Variants in LRBA observed in about 807,000 individuals in gnomAD.
The protein encoded by LRBA is lipopolysaccharide-responsive and beige-like anchor protein.
A neutral mutation model predicts 330.0 loss-of-function variants in LRBA; 176 were observed. That is an observed-to-expected ratio of 0.53 (90% confidence interval 0.47 to 0.60). LRBA has a LOEUF of 0.60. Ranked by LOEUF, LRBA falls within the 20% of genes least tolerant of loss-of-function variation. The pLI, the probability that LRBA is intolerant of heterozygous loss-of-function variation, is 0.00. For missense variants in LRBA, 3,259 were observed against 3,444.8 expected (o/e 0.95, Z 1.35); for synonymous variants, 1,230 against 1,193.0 (o/e 1.03, Z -0.64).
rs111791929 is a variant in LRBA at position 150,386,608 on chromosome 4, TA to T, written c.7194+28829del. On this transcript the variant is annotated intron_variant, in intron 47 of 56. Coordinates refer to ENST00000651943, the MANE Select transcript of LRBA (RefSeq NM_001364905.1). Reference sequence around the variant, plus strand: ...CAAAAGACATGATCTCATTCTTTTTTATGGCTGCATACTATTCCATGGAGTA... The same window carrying T: ...CAAAAGACATGATCTCATTCTTTTTTTGGCTGCATACTATTCCATGGAGTA... Among the ~76,000 whole-genome samples, 1,286 of 152,282 alleles carry T rather than the reference TA, an allele frequency of 8.4e-3. 15 individuals are homozygous for T. The highest frequency in any genetic ancestry group is 0.029 in the African/African-American group (1,223 of 41,542).
chr4:150,417,286 TA>T (rs1747913746), intron 46 of LRBA, among the ~76,000 whole-genome samples: 3 of 152,138 alleles, frequency 2.0e-5, no homozygotes, highest in African/African-American at 7.2e-5. Flanking sequence ...TAATGTGATT[TA>T]TCCCAATAAA....
chr4:150,625,800 C>T (rs529587571), intron 37 of LRBA, among the ~76,000 whole-genome samples: 1 of 151,852 alleles, frequency 6.6e-6, no homozygotes, highest in Non-Finnish European at 1.5e-5. Context: ...ACCTCCACCT[C>T]CCGGGTTAGA....
intron 2 of LRBA, among the ~76,000 whole-genome samples, chr4:150,935,967 G>A (rs1735043754): frequency 6.6e-6 from 1 of 151,528 alleles, no homozygotes; most frequent in African/African-American, 2.4e-5. Context: ...TCATTAAGCT[G>A]TAGAAATAAA....
At chr4:150,636,650 G>C (rs941179793) in intron 37 of LRBA, among the ~76,000 whole-genome samples, 1 of 152,082 alleles carries the variant, frequency 6.6e-6, no homozygotes, top group African/African-American at 2.4e-5. Context: ...TATCCAGCTG[G>C]GCACGATGGC....
chr4:150,300,087 TG>T (rs1174144871), intron 53 of LRBA, among the ~76,000 whole-genome samples: 1 of 152,100 alleles, frequency 6.6e-6, no homozygotes, highest in Non-Finnish European at 1.5e-5. Context: ...TCTTTGTTTT[TG>T]TTTGTCATTT....
chr4:150,777,972 CAAAAAAAAAAA>C (rs57988391), intron 34 of LRBA, among the ~76,000 whole-genome samples: 2 of 65,650 alleles, frequency 3.0e-5, no homozygotes, highest in African/African-American at 5.5e-5. Flanking sequence ...GACTCTGTTT[CAAAAAAAAAAA>C]AAAAAAAAAA....
At chr4:150,508,240 AGGG>A (rs34288480) in intron 40 of LRBA, among the ~76,000 whole-genome samples, 23,874 of 64,954 alleles carry the variant, frequency 0.37, 3,626 homozygotes, top group Non-Finnish European at 0.48. Flanking sequence ...TTAAAAAAAA[AGGG>A]GGGGGGGGGG....
chr4:150,865,582 T>C (rs543290559), intron 22 of LRBA, among the ~76,000 whole-genome samples: 1 of 152,306 alleles, frequency 6.6e-6, no homozygotes, highest in African/African-American at 2.4e-5. Context: ...TTACTCCTTG[T>C]AAACCCTTGT....
At chr4:150,745,542 G>A (rs938319138) in intron 35 of LRBA, among the ~76,000 whole-genome samples, 7 of 152,072 alleles carry the variant, frequency 4.6e-5, no homozygotes, top group Admixed American at 2.0e-4. Context: ...TGGAGATGGA[G>A]TCTTACTCTG....
Position 150,490,952 on chromosome 4 carries a change from T to C in LRBA, c.6414A>G (p.Gln2138=). ...RSIFSRRYLL[Q]NTALEIFMAN... Reference sequence around the variant, plus strand: ...CCATAAAGATCTCCAGGGCTGTATTTTGCAAAAGATAACGACGAGAAAAGA... The same window carrying C: ...CCATAAAGATCTCCAGGGCTGTATTCTGCAAAAGATAACGACGAGAAAAGA... The change falls in exon 41 of 57, where the codon CAA becomes CAG. Residue 2138 remains glutamine (Q), a synonymous_variant. Coordinates refer to ENST00000651943, the MANE Select transcript of LRBA (RefSeq NM_001364905.1). 3.1e-6 allele frequency: 5 copies of C among 1,609,528 alleles called. No homozygotes were observed. The highest frequency in any genetic ancestry group is 4.2e-6 in the Non-Finnish European group (5 of 1,176,962).
chr4:150,725,009 C>T (rs1317129778), intron 36 of LRBA, among the ~76,000 whole-genome samples: 2 of 150,808 alleles, frequency 1.3e-5, no homozygotes, highest in Admixed American at 6.6e-5. Context: ...AATAGCAGAA[C>T]TGATCAAGAA....
intron 2 of LRBA, among the ~76,000 whole-genome samples, chr4:150,938,438 AG>A (rs1362392395): frequency 2.6e-5 from 4 of 152,152 alleles, no homozygotes; most frequent in Non-Finnish European, 5.9e-5. Flanking sequence ...ACTGACTCCC[AG>A]GTTATATTTC....
At chr4:150,747,444 A>G (rs1370130965) in intron 35 of LRBA, among the ~76,000 whole-genome samples, 1 of 152,228 alleles carries the variant, frequency 6.6e-6, no homozygotes, top group African/African-American at 2.4e-5. Context: ...ACCAAAGCAT[A>G]GAACAGTGCC....
intron 2 of LRBA, among the ~76,000 whole-genome samples, chr4:150,948,272 A>C (rs1280856263): frequency 6.6e-6 from 1 of 152,064 alleles, no homozygotes; most frequent in Non-Finnish European, 1.5e-5. Context: ...GAACTGGTGG[A>C]GGGGCAGACA....
chr4:150,373,120 A>G (rs534223183), intron 47 of LRBA, among the ~76,000 whole-genome samples: 43 of 124,156 alleles, frequency 3.5e-4, no homozygotes, highest in South Asian at 1.3e-3. Flanking sequence ...CTTGACTACA[A>G]TCTCGTGTGT....
At chr4:150,529,165 G>T (rs558909367) in intron 40 of LRBA, among the ~76,000 whole-genome samples, 3 of 152,068 alleles carry the variant, frequency 2.0e-5, no homozygotes, top group African/African-American at 4.8e-5. Flanking sequence ...TCCTAGAATC[G>T]ACCAGTTTCC....
intron 48 of LRBA, among the ~76,000 whole-genome samples, chr4:150,337,773 T>C (rs1425853415): frequency 6.6e-6 from 1 of 152,106 alleles, no homozygotes; most frequent in Non-Finnish European, 1.5e-5. Context: ...CGTGTCCTAC[T>C]CTTAAATCTC....
chr4:150,786,678 C>A (rs902195498), intron 34 of LRBA, among the ~76,000 whole-genome samples: 1 of 152,110 alleles, frequency 6.6e-6, no homozygotes, highest in African/African-American at 2.4e-5. Flanking sequence ...ATTTTATCCC[C>A]AAACTATCAG....
chr4:150,846,875 T>C (rs1749922475), intron 26 of LRBA, among the ~76,000 whole-genome samples: 1 of 152,170 alleles, frequency 6.6e-6, no homozygotes, highest in Admixed American at 6.5e-5. Context: ...TCTTAATTCT[T>C]TTCCGTGGCT....
Sources: gnomAD v4.1 joint callset for allele counts (sites outside exome capture counted in the v4.1 genomes callset) on GRCh38, gnomAD v4.1.1 for gene constraint, MANE v1.5 for transcripts, NCBI Gene and HGNC (gene_info 2026-07-23, HGNC 2026-07-21) for gene names.